UBE2D3: variants seen among roughly 807,000 people sequenced by gnomAD.
UBE2D3 encodes ubiquitin conjugating enzyme E2 D3.
UBE2D3 carries 2 observed loss-of-function variants against 22.8 expected under a neutral mutation model. That is an observed-to-expected ratio of 0.09 (90% CI 0.04 to 0.28). The LOEUF (loss-of-function observed/expected upper bound fraction) is 0.28, where lower values mean the gene tolerates loss of function less well. Ranked by LOEUF, UBE2D3 falls within the 10% of genes least tolerant of loss-of-function variation. The probability of loss-of-function intolerance (pLI) is 1.00; values close to 1 mark genes in which losing one functional copy is unlikely to be tolerated. For missense variants in UBE2D3, 27 were observed against 182.5 expected, an observed-to-expected ratio of 0.15 and a Z score of 4.91; for synonymous variants, 56 against 60.4, an observed-to-expected ratio of 0.93 and a Z score of 0.34.
chr4:102,820,421 T>A (rs188554993), intron 2 of UBE2D3, among the ~76,000 whole-genome samples: 29 of 152,304 alleles, frequency 1.9e-4, no homozygotes, highest in African/African-American at 6.7e-4. Context: ...TTCTGAGAAA[T>A]CCTTTTTTAT....
chr4:102,835,896 C>G (rs1328985357), intron 1 of UBE2D3, among the ~76,000 whole-genome samples: 1 of 152,032 alleles, frequency 6.6e-6, no homozygotes, highest in Non-Finnish European at 1.5e-5. Context: ...TCTTCTTAAC[C>G]CACAGGACAC....
chr4:102,799,075 C>A (rs1270723819), intron 7 of UBE2D3: 3 of 1,365,958 alleles, frequency 2.2e-6, no homozygotes, highest in African/African-American at 1.5e-5. Context: ...GAAATTTAGA[C>A]CAAATTTTTA....
intron 1 of UBE2D3, among the ~76,000 whole-genome samples, chr4:102,868,270 A>C (rs528355081): frequency 2.4e-4 from 37 of 151,556 alleles, no homozygotes; most frequent in Admixed American, 2.0e-3. Context: ...GGGTTTCACC[A>C]TCTTGACCTG....
chr4:102,851,617 CTCT>C (rs918816747), intron 1 of UBE2D3, among the ~76,000 whole-genome samples: 14 of 151,932 alleles, frequency 9.2e-5, no homozygotes, highest in African/African-American at 3.4e-4. Flanking sequence ...GTCCTTTCTC[CTCT>C]TCTTCCTTTA....
intron 1 of UBE2D3, among the ~76,000 whole-genome samples, chr4:102,840,143 T>C (rs1560885092): frequency 6.6e-6 from 1 of 152,208 alleles, no homozygotes; most frequent in East Asian, 1.9e-4. Context: ...AGAAATTCTT[T>C]TATACTGTCA....
At position 102,796,531 on chromosome 4, in the gene UBE2D3, A is replaced by T. The variant is rs1407373993; in HGVS notation, c.*884T>A. On this transcript the variant is annotated 3_prime_UTR_variant, in exon 8 of 8. Transcript: ENST00000453744. ...CAAATCCCAACAGTATATACAAAAAACAGCTTTGCATTTACAAAAGATTGT... is the reference window on the plus strand; with the variant it reads ...CAAATCCCAACAGTATATACAAAAATCAGCTTTGCATTTACAAAAGATTGT... The T allele has an allele frequency of 6.6e-6, 1 of 152,460 alleles. No individual in the cohort carries two copies. Among genetic ancestry groups the T allele is most frequent in the Non-Finnish European group, 1.5e-5 (1 of 67,924 alleles). The allele number at this position is 152,460 out of a possible 1,614,324, so 9.4% of individuals were successfully genotyped here. A position where few individuals can be genotyped will look rare whatever the true frequency, so the allele number is the denominator to read the frequency against.
At chr4:102,842,332 C>CTTGAGACCAGGAGT (rs1731800996) in intron 1 of UBE2D3, among the ~76,000 whole-genome samples, 1 of 151,698 alleles carries the variant, frequency 6.6e-6, no homozygotes, top group African/African-American at 2.4e-5. Flanking sequence ...AGGAGAATCA[C>CTTGAGACCAGGAGT]TTGAGACCAG....
At chr4:102,805,495 CTT>C (rs5860731) in intron 4 of UBE2D3, among the ~76,000 whole-genome samples, 17 of 140,560 alleles carry the variant, frequency 1.2e-4, no homozygotes, top group South Asian at 2.3e-4. Flanking sequence ...CGTTGGTATT[CTT>C]TTTTTTTTTT....
chr4:102,859,955 C>T (rs1732803287), intron 1 of UBE2D3, among the ~76,000 whole-genome samples: 1 of 151,878 alleles, frequency 6.6e-6, no homozygotes, highest in Non-Finnish European at 1.5e-5. Flanking sequence ...ACACCATTCT[C>T]CTGCCTCAGC....
intron 2 of UBE2D3, among the ~76,000 whole-genome samples, chr4:102,823,725 AAAG>A (rs1177242556): frequency 1.2e-4 from 18 of 152,206 alleles, no homozygotes; most frequent in African/African-American, 3.1e-4. Context: ...TCGTTCAAAT[AAAG>A]AATACAGGAA....
chr4:102,801,884 C>T (rs1726207485), intron 5 of UBE2D3: 1 of 173,928 alleles, frequency 5.7e-6, no homozygotes. Flanking sequence ...TTGGATGTAA[C>T]CAAAATTTGT....
intron 6 of UBE2D3, among the ~76,000 whole-genome samples, chr4:102,800,341 G>A (rs962051944): frequency 6.6e-6 from 1 of 151,894 alleles, no homozygotes; most frequent in Non-Finnish European, 1.5e-5. Context: ...ACCTAATATA[G>A]GAGACTTGGC....
chr4:102,826,690 A>T (rs993587864), intron 1 of UBE2D3, 54 bp from the exon 2 acceptor site: 11 of 1,483,026 alleles, frequency 7.4e-6, no homozygotes, highest in Non-Finnish European at 9.7e-6. Context: ...AGAGCCCCTG[A>T]TGAATCCAGG....
At chr4:102,814,230 AC>A (rs558656479) in intron 2 of UBE2D3, among the ~76,000 whole-genome samples, 130 of 151,966 alleles carry the variant, frequency 8.6e-4, no homozygotes, top group African/African-American at 3.0e-3. Context: ...TATTAACTGA[AC>A]CAAATCAGTA....
intron 4 of UBE2D3, among the ~76,000 whole-genome samples, chr4:102,807,919 G>A (rs1727323755): frequency 6.6e-6 from 1 of 152,170 alleles, no homozygotes; most frequent in Non-Finnish European, 1.5e-5. Flanking sequence ...GTTTTAAAGA[G>A]TTAGTTTATT....
chr4:102,858,271 T>C (rs911477630), intron 1 of UBE2D3, among the ~76,000 whole-genome samples: 4 of 152,012 alleles, frequency 2.6e-5, no homozygotes, highest in African/African-American at 9.7e-5. Context: ...CAGCTCAAAA[T>C]GCTGATAAGA....
At chr4:102,824,271 C>T (rs1288309269) in intron 2 of UBE2D3, among the ~76,000 whole-genome samples, 1 of 152,164 alleles carries the variant, frequency 6.6e-6, no homozygotes, top group Non-Finnish European at 1.5e-5. Context: ...GAGTACTAAA[C>T]TAGAAATCAA....
At chr4:102,824,014 G>A (rs1578264375) in intron 2 of UBE2D3, among the ~76,000 whole-genome samples, 1 of 152,164 alleles carries the variant, frequency 6.6e-6, no homozygotes, top group Non-Finnish European at 1.5e-5. Flanking sequence ...CTAAACCGAA[G>A]AGCATTCCAG....
intron 5 of UBE2D3, chr4:102,802,348 G>T (rs929284171): frequency 2.8e-6 from 1 of 354,192 alleles, no homozygotes; most frequent in Non-Finnish European, 5.1e-6. Context: ...TCTGAATCTT[G>T]CAACATTAAA....
Sources: allele counts gnomAD v4.1 joint callset (sites outside exome capture counted in the v4.1 genomes callset), GRCh38; gene constraint gnomAD v4.1.1; transcripts MANE v1.5; gene names NCBI Gene and HGNC (gene_info 2026-07-23, HGNC 2026-07-21).